GTF2A2: variants seen among roughly 807,000 people sequenced by gnomAD.
The protein encoded by GTF2A2 is transcription initiation factor IIA subunit 2.
In GTF2A2, 9 loss-of-function variants were observed where a neutral mutation model predicts 14.3. The observed-to-expected ratio is 0.63, with a 90% CI of 0.38 to 1.10. The LOEUF (loss-of-function observed/expected upper bound fraction) is 1.10. GTF2A2 is among the 50% of genes least tolerant of loss of function. The pLI, the probability that GTF2A2 is intolerant of heterozygous loss-of-function variation, is 0.01. For missense variants in GTF2A2, 90 were observed against 124.6 expected (o/e 0.72, Z 1.32); for synonymous variants, 56 against 46.0 (o/e 1.22, Z -0.88).
intron 1 of GTF2A2, 22 bp downstream of exon 1, chr15:59,657,384 C>T (rs902433744): frequency 6.6e-6 from 1 of 152,460 alleles, no homozygotes; most frequent in Admixed American, 6.5e-5. Flanking sequence ...CCTCCCTAAC[C>T]CTGCCCTCCC....
chr15:59,654,210 A>G (rs1204342501), intron 1 of GTF2A2, among the ~76,000 whole-genome samples: 1 of 152,142 alleles, frequency 6.6e-6, no homozygotes, highest in Non-Finnish European at 1.5e-5. Flanking sequence ...TGGAAGGCCT[A>G]TGTGATTTGG....
At chr15:59,647,563 C>A (rs1188551769) in intron 3 of GTF2A2, among the ~76,000 whole-genome samples, 1 of 152,098 alleles carries the variant, frequency 6.6e-6, no homozygotes, top group Non-Finnish European at 1.5e-5. Context: ...TTACATGTAT[C>A]CACAATGGGG....
intron 3 of GTF2A2, among the ~76,000 whole-genome samples, chr15:59,647,286 A>T (rs1226776983): frequency 1.3e-5 from 2 of 151,980 alleles, no homozygotes; most frequent in Non-Finnish European, 1.5e-5. Context: ...GTTTGTAGGG[A>T]CAGGGTTTCA....
At chr15:59,639,214 C>T (rs1262739370) in intron 4 of GTF2A2, 57 bp from the exon 5 acceptor site, 9 of 1,054,506 alleles carry the variant, frequency 8.5e-6, no homozygotes, top group Admixed American at 3.4e-5. Context: ...TTTAATTTTA[C>T]AATTAACTAT....
intron 3 of GTF2A2, among the ~76,000 whole-genome samples, chr15:59,647,779 A>T (rs1305403051): frequency 1.3e-5 from 2 of 151,784 alleles, no homozygotes; most frequent in African/African-American, 4.8e-5. Context: ...TGTGTTGGCC[A>T]GTCTGGTCTC....
chr15:59,653,987 A>G (rs769404992), intron 1 of GTF2A2, among the ~76,000 whole-genome samples: 31 of 152,150 alleles, frequency 2.0e-4, no homozygotes, highest in Non-Finnish European at 3.5e-4. Context: ...AGCTTCTACC[A>G]TCTTCAATGC....
intron 4 of GTF2A2, among the ~76,000 whole-genome samples, 188 bp downstream of exon 4, chr15:59,641,940 TGTTATTAA>T (rs1374694974): frequency 1.3e-5 from 2 of 152,228 alleles, no homozygotes; most frequent in African/African-American, 2.4e-5. Flanking sequence ...GCAGTCTATA[TGTTATTAA>T]GTCACAAAGT....
chr15:59,649,847 T>C (rs1448508432), intron 3 of GTF2A2, among the ~76,000 whole-genome samples: 5 of 152,198 alleles, frequency 3.3e-5, no homozygotes, highest in African/African-American at 9.6e-5. Flanking sequence ...GACACTCAAA[T>C]TGTTTACTGA....
intron 3 of GTF2A2, among the ~76,000 whole-genome samples, chr15:59,649,669 A>G (rs1443590175): frequency 6.6e-6 from 1 of 152,244 alleles, no homozygotes; most frequent in Non-Finnish European, 1.5e-5. Flanking sequence ...TGAAACTGAT[A>G]TATGAGACTT....
chr15:59,654,276 G>C (rs986616292), intron 1 of GTF2A2, among the ~76,000 whole-genome samples: 6 of 152,084 alleles, frequency 3.9e-5, no homozygotes, highest in South Asian at 4.1e-4. Context: ...CTCTGCTCTG[G>C]TCATACTGGT....
At chr15:59,643,007 C>T (rs1211175116) in intron 3 of GTF2A2, among the ~76,000 whole-genome samples, 1 of 151,556 alleles carries the variant, frequency 6.6e-6, no homozygotes, top group Non-Finnish European at 1.5e-5. Context: ...CTCAGGTGAT[C>T]CACCCACCTC....
At chr15:59,644,857 T>G (rs545633654) in intron 3 of GTF2A2, among the ~76,000 whole-genome samples, 2 of 152,276 alleles carry the variant, frequency 1.3e-5, no homozygotes, top group East Asian at 3.9e-4. Context: ...CTAACGGTAC[T>G]GGGAAGTCAG....
chr15:59,651,985 G>T, intron 2 of GTF2A2: 1 of 430,704 alleles, frequency 2.3e-6, no homozygotes, highest in Non-Finnish European at 4.1e-6. Flanking sequence ...CATGTACCCA[G>T]ATTTAGCTAT....
chr15:59,644,389 T>C (rs1389474502), intron 3 of GTF2A2: 1 of 152,078 alleles, frequency 6.6e-6, no homozygotes, highest in Non-Finnish European at 1.5e-5. Context: ...ATAGCAAAAA[T>C]GGGATTCATT....
At chr15:59,643,137 TG>T (rs1203835459) in intron 3 of GTF2A2, among the ~76,000 whole-genome samples, 1 of 137,498 alleles carries the variant, frequency 7.3e-6, no homozygotes, top group African/African-American at 2.8e-5. Flanking sequence ...TGCAGTGCAG[TG>T]GTGAGATCTT....
intron 4 of GTF2A2, chr15:59,640,169 T>TGAAGTGTGAGACTACACCGTGCC (rs1891359984): frequency 2.0e-5 from 3 of 152,250 alleles, no homozygotes; most frequent in Non-Finnish European, 4.4e-5. Context: ...TACACCGTGC[T>TGAAGTGTGAGACTACACCGTGCC]GAAGTGTGAG....
chr15:59,639,835 C>T (rs1481534871), intron 4 of GTF2A2, among the ~76,000 whole-genome samples: 3 of 152,000 alleles, frequency 2.0e-5, no homozygotes, highest in African/African-American at 4.8e-5. Flanking sequence ...ACTGCAATCT[C>T]CACCTCTCGG....
intron 4 of GTF2A2, among the ~76,000 whole-genome samples, chr15:59,639,862 T>C (rs924172517): frequency 2.0e-5 from 3 of 152,134 alleles, no homozygotes; most frequent in African/African-American, 7.2e-5. Flanking sequence ...GCAATTGTCC[T>C]GCCTCAGCCT....
intron 1 of GTF2A2, among the ~76,000 whole-genome samples, 198 bp from the exon 2 acceptor site, chr15:59,652,524 T>C (rs571530006): frequency 1.3e-5 from 2 of 152,192 alleles, no homozygotes; most frequent in African/African-American, 2.4e-5. Context: ...GATTTTGACA[T>C]GGGCATTTAT....
Sources: gnomAD v4.1 joint callset for allele counts (sites outside exome capture counted in the v4.1 genomes callset) on GRCh38, gnomAD v4.1.1 for gene constraint, MANE v1.5 for transcripts, NCBI Gene and HGNC (gene_info 2026-07-23, HGNC 2026-07-21) for gene names.